AGAP1: variants seen among roughly 807,000 people sequenced by gnomAD.
AGAP1 encodes arf-GAP with GTPase, ANK repeat and PH domain-containing protein 1.
AGAP1 carries 29 observed loss-of-function variants against 105.3 expected under a neutral mutation model. The ratio of observed to expected loss-of-function variants is 0.28; its 90% CI spans 0.21 to 0.38. The LOEUF (loss-of-function observed/expected upper bound fraction) is 0.38, where lower values mean the gene tolerates loss of function less well. Ranked by LOEUF, AGAP1 falls within the 10% of genes least tolerant of loss-of-function variation. The pLI is 1.00. For missense variants in AGAP1, 998 were observed against 1,165.1 expected (o/e 0.86, Z 2.09); for synonymous variants, 509 against 485.9 (o/e 1.05, Z -0.63).
chr2:235,502,938 T>TTTAGCTTCAA (rs77921466), intron 1 of AGAP1, among the ~76,000 whole-genome samples: 78,271 of 151,366 alleles, frequency 0.52, 20,696 homozygotes, highest in Admixed American at 0.62. Context: ...AGAAAGTACA[T>TTTAGCTTCAA]TTAGCTTCAA....
At position 235,620,627 on chromosome 2, in the gene AGAP1, A is replaced by C. The variant is rs1946446829; in HGVS notation, c.164-88552A>C. ...CTCCCAGCCACAGCCCCTCCTCCTC[A>C]CCTCCTCACCTGCTTCCTATTTCCC... On this transcript the variant is annotated intron_variant, in intron 1 of 17. Coordinates refer to ENST00000304032, the MANE Select transcript of AGAP1 (RefSeq NM_001037131.3). This position sits in a 1 kb window ranked among gnomAD's most constrained non-coding sequence, Gnocchi z 4.5. Among the ~76,000 whole-genome samples, 1 of 150,954 alleles carries C rather than the reference A, an allele frequency of 6.6e-6. No individual in the cohort carries two copies. Among genetic ancestry groups the C allele is most frequent in the South Asian group, 2.1e-4 (1 of 4,754 alleles).
rs920483566 is a variant in AGAP1, at chr2:236,038,426, C to T, written c.1800+1711C>T. Among the ~76,000 whole-genome samples, 4 of 152,206 alleles carry T rather than the reference C, an allele frequency of 2.6e-5. No homozygotes were observed. Among genetic ancestry groups the T allele is most frequent in the African/African-American group, 9.7e-5 (4 of 41,434 alleles). On this transcript the variant is annotated intron_variant, in intron 14 of 17. Coordinates refer to ENST00000304032, the MANE Select transcript of AGAP1 (RefSeq NM_001037131.3). This position sits in a 1 kb window ranked among gnomAD's most constrained non-coding sequence, Gnocchi z 4.5. The stretch of plus-strand genomic sequence containing the variant: ...TGGGATGGTGGCAGCCTTTCCCATT[C>T]CACACCTTGCCAGGCTCCTCCTGAC...
rs1480630694 is a variant in AGAP1 at position 236,080,622 on chromosome 2, T to C, written c.2114+31341T>C. 3.3e-5 allele frequency among the ~76,000 whole-genome samples: 5 copies of C among 152,206 alleles called. No homozygotes were observed. The highest frequency in any genetic ancestry group is 4.8e-5 in the African/African-American group (2 of 41,452). On this transcript the variant is annotated intron_variant, in intron 16 of 17. Coordinates refer to ENST00000304032, the MANE Select transcript of AGAP1 (RefSeq NM_001037131.3). The surrounding 1 kb of genome is among the most constrained non-coding windows in gnomAD (Gnocchi z 4.2). ...TAATAGGGTAGGTATAAGATTCCCA[T>C]TGCTGCTGTAACAAATTACCACCCA...
rs2055084867 is a variant in AGAP1 at position 235,981,305 on chromosome 2, CA to C, written c.1645+12683del. ...AGCTTTGTTCTTTGGCTTGATTATT[CA>C]TTTGGGTCTTTCTTGCTTTCTTCAG... On this transcript the variant is annotated intron_variant, in intron 13 of 17. Transcript: ENST00000304032. The surrounding 1 kb of genome is among the most constrained non-coding windows in gnomAD (Gnocchi z 5.5). Among the ~76,000 whole-genome samples, 1 of 152,078 alleles carries C rather than the reference CA, an allele frequency of 6.6e-6. No homozygotes were observed.
chr2:235,519,201 T>C (rs533288230), intron 1 of AGAP1, among the ~76,000 whole-genome samples: 12 of 152,110 alleles, frequency 7.9e-5, no homozygotes, highest in African/African-American at 2.9e-4. Context: ...GCCTCCCAGG[T>C]AGCTAGGACT....
chr2:235,840,766 GA>G (rs1392092250), intron 9 of AGAP1, among the ~76,000 whole-genome samples: 2 of 90,224 alleles, frequency 2.2e-5, no homozygotes, highest in Non-Finnish European at 5.4e-5. Context: ...GGAGAAAGAA[GA>G]GTTTTTTTTT....
rs569232171 is a variant in AGAP1, at chr2:235,879,476, C to T, written c.1051-3869C>T. 2.6e-4 allele frequency among the ~76,000 whole-genome samples: 39 copies of T among 152,280 alleles called. No individual in the cohort carries two copies. Among genetic ancestry groups the T allele is most frequent in the African/African-American group, 9.4e-4 (39 of 41,552 alleles). ...CCACTTACGCAGCATTTGAATAGTGCCTATAATCCAAGATTATCCCCCCTG... is the reference window on the plus strand; with the variant it reads ...CCACTTACGCAGCATTTGAATAGTGTCTATAATCCAAGATTATCCCCCCTG... On this transcript the variant is annotated intron_variant, in intron 9 of 17. Coordinates refer to ENST00000304032, the MANE Select transcript of AGAP1 (RefSeq NM_001037131.3). This position sits in a 1 kb window ranked among gnomAD's most constrained non-coding sequence, Gnocchi z 5.0.
In AGAP1 at chr2:236,096,271, C is replaced by CG. The variant is rs1481742819; in HGVS notation, c.2115-23916dup. Among the ~76,000 whole-genome samples the CG allele has an allele frequency of 1.3e-5, 2 of 152,090 alleles. No homozygotes were observed. Among genetic ancestry groups the CG allele is most frequent in the African/African-American group, 4.8e-5 (2 of 41,434 alleles). On this transcript the variant is annotated intron_variant, in intron 16 of 17. Coordinates refer to ENST00000304032, the MANE Select transcript of AGAP1 (RefSeq NM_001037131.3). The surrounding 1 kb of genome is among the most constrained non-coding windows in gnomAD (Gnocchi z 4.4). The stretch of plus-strand genomic sequence containing the variant: ...ATCCCAGCACTTCGGGAGGCCAAGG[C>CG]GGGGGAATCCCTGAGGTTAGAAGTT...
intron 16 of AGAP1, among the ~76,000 whole-genome samples, chr2:236,102,696 AG>A (rs1189093886): frequency 1.3e-5 from 2 of 152,118 alleles, no homozygotes; most frequent in Non-Finnish European, 2.9e-5. Flanking sequence ...GGAGAATGGC[AG>A]GAAGGGGCTC....
chr2:235,882,550 G>T lies in AGAP1; in HGVS notation c.1051-795G>T. 1 of 876,328 alleles carries T rather than the reference G, an allele frequency of 1.1e-6. No homozygotes were observed. Among genetic ancestry groups the T allele is most frequent in the Non-Finnish European group, 1.8e-6 (1 of 568,936 alleles). 54.3% of individuals were successfully genotyped at this position (876,328 alleles called of 1,614,324 possible). On this transcript the variant is annotated intron_variant, in intron 9 of 17. Transcript: ENST00000304032. The surrounding 1 kb of genome is among the most constrained non-coding windows in gnomAD (Gnocchi z 4.6). ...GGCTCTTAGCTCACTGCAACACTCT[G>T]CCTCCTGGGTTCAAGCAATTCCCCT...
chr2:235,543,027 C>T (rs11504875), intron 1 of AGAP1, among the ~76,000 whole-genome samples: 1 of 150,458 alleles, frequency 6.6e-6, no homozygotes, highest in Non-Finnish European at 1.5e-5. Context: ...ACCTGTTTGT[C>T]GAGTTGAGCC....
intron 11 of AGAP1, among the ~76,000 whole-genome samples, chr2:235,923,086 C>A (rs532357392): frequency 2.4e-4 from 37 of 152,258 alleles, no homozygotes; most frequent in African/African-American, 7.0e-4. Flanking sequence ...ACCAGCTGAT[C>A]CGTAGATGGG....
At chr2:235,991,862 A>G (rs1559732244) in intron 13 of AGAP1, among the ~76,000 whole-genome samples, 1 of 152,074 alleles carries the variant, frequency 6.6e-6, no homozygotes, top group East Asian at 1.9e-4. Flanking sequence ...TTTACCTCTG[A>G]TTTTCTCTTG....
chr2:235,677,277 C>G (rs546594576), intron 1 of AGAP1, among the ~76,000 whole-genome samples: 1 of 152,136 alleles, frequency 6.6e-6, no homozygotes, highest in Non-Finnish European at 1.5e-5. Context: ...TCTAAAGACT[C>G]AAAGCTTACC....
Position 235,555,411 on chromosome 2 carries a change from C to T in AGAP1, c.163+60562C>T, listed in dbSNP as rs1943942546. Among the ~76,000 whole-genome samples, 3 of 152,184 alleles carry T rather than the reference C, an allele frequency of 2.0e-5. No homozygotes were observed. The highest frequency in any genetic ancestry group is 1.3e-4 in the Admixed American group (2 of 15,278). The stretch of plus-strand genomic sequence containing the variant: ...GTTCCTGCCAGTGACACACGTGGAC[C>T]TCAAGCAGGTGGATGGGTGGAGCTC... On this transcript the variant is annotated intron_variant, in intron 1 of 17. Coordinates refer to ENST00000304032, the MANE Select transcript of AGAP1 (RefSeq NM_001037131.3). This position sits in a 1 kb window ranked among gnomAD's most constrained non-coding sequence, Gnocchi z 5.1.
intron 16 of AGAP1, among the ~76,000 whole-genome samples, chr2:236,103,008 A>ACCCCCC (rs2059398373): frequency 5.8e-5 from 1 of 17,206 alleles, no homozygotes; most frequent in African/African-American, 2.6e-4. Context: ...GTTTCTGCCC[A>ACCCCCC]CCCCCCACCC....
intron 17 of AGAP1, among the ~76,000 whole-genome samples, chr2:236,122,005 G>T (rs1208958045): frequency 6.7e-6 from 1 of 150,206 alleles, no homozygotes; most frequent in African/African-American, 2.5e-5. Context: ...AGGCTGGAGT[G>T]CAGTGGCACA....
intron 1 of AGAP1, among the ~76,000 whole-genome samples, chr2:235,678,819 G>T (rs768329461): frequency 1.3e-5 from 2 of 151,962 alleles, no homozygotes; most frequent in Non-Finnish European, 2.9e-5. Context: ...GCTGCAAGGT[G>T]CTGGGTGGAA....
intron 1 of AGAP1, among the ~76,000 whole-genome samples, chr2:235,496,424 T>A (rs1388383002): frequency 6.6e-6 from 1 of 152,176 alleles, no homozygotes; most frequent in East Asian, 1.9e-4. Context: ...CTGCTGATGA[T>A]CAGGTGGTGT....
Sources: allele counts gnomAD v4.1 joint callset (sites outside exome capture counted in the v4.1 genomes callset), GRCh38; gene constraint gnomAD v4.1.1; non-coding constraint Gnocchi (gnomAD v3.1); transcripts MANE v1.5; gene names NCBI Gene and HGNC (gene_info 2026-07-23, HGNC 2026-07-21).